EPHB2: variants seen among roughly 807,000 people sequenced by gnomAD.
EPHB2 encodes ephrin type-B receptor 2.
Under a neutral mutation model 96.4 loss-of-function variants are expected in EPHB2, and 18 were observed. The observed-to-expected ratio is 0.19, with a 90% confidence interval of 0.13 to 0.28. EPHB2 has a LOEUF of 0.28. Ranked by LOEUF, EPHB2 falls within the 10% of genes least tolerant of loss-of-function variation. EPHB2 has a pLI of 1.00. For synonymous variants in EPHB2, 506 were observed against 534.1 expected (o/e 0.95, Z 0.72); for missense variants, 989 against 1,355.4 (o/e 0.73, Z 4.25).
intron 3 of EPHB2, among the ~76,000 whole-genome samples, chr1:22,851,799 G>A (rs1452062285): frequency 6.6e-6 from 1 of 152,152 alleles, no homozygotes; most frequent in Non-Finnish European, 1.5e-5. Flanking sequence ...TCACGCCTCT[G>A]TGCCTTTGCA....
At chr1:22,791,969 C>T (rs1430860847) in intron 3 of EPHB2, among the ~76,000 whole-genome samples, 1 of 152,148 alleles carries the variant, frequency 6.6e-6, no homozygotes, top group East Asian at 1.9e-4. Context: ...CAAGCAGCTG[C>T]CTTTGAGAGT....
intron 5 of EPHB2, among the ~76,000 whole-genome samples, chr1:22,874,879 T>C (rs1303100869): frequency 1.3e-5 from 2 of 152,172 alleles, no homozygotes; most frequent in Non-Finnish European, 2.9e-5. Context: ...TTAAGAACTA[T>C]CATGTGAGAA....
chr1:22,842,291 T>A (rs756378380), intron 3 of EPHB2, among the ~76,000 whole-genome samples: 1 of 152,160 alleles, frequency 6.6e-6, no homozygotes, highest in Non-Finnish European at 1.5e-5. Context: ...TCATGAAATA[T>A]TCCAAAGGAA....
At chr1:22,810,887 C>T (rs995479304) in intron 3 of EPHB2, among the ~76,000 whole-genome samples, 1 of 152,132 alleles carries the variant, frequency 6.6e-6, no homozygotes, top group Non-Finnish European at 1.5e-5. Context: ...CCCAAGAGGC[C>T]CTGGCAGCCC....
At chr1:22,785,193 C>G (rs1304396290) in intron 3 of EPHB2, 117 bp downstream of exon 3, 21 of 1,298,182 alleles carry the variant, frequency 1.6e-5, no homozygotes, top group Non-Finnish European at 1.9e-5. Flanking sequence ...ATGAGGCACT[C>G]TAGGGCCAGG....
chr1:22,860,191 G>C lies in EPHB2; in HGVS notation c.812-2846G>C, dbSNP rs1009159618. Reference sequence around the variant, plus strand: ...GTCTGCACTCCAGAGAGCTAGTTTGGAGAGTGGGTGGGTGGGAGGAGGCCA... The same window carrying C: ...GTCTGCACTCCAGAGAGCTAGTTTGCAGAGTGGGTGGGTGGGAGGAGGCCA... On this transcript the variant is annotated intron_variant, in intron 3 of 15. Coordinates refer to ENST00000374630, the MANE Select transcript of EPHB2 (RefSeq NM_017449.5). This position sits in a 1 kb window ranked among gnomAD's most constrained non-coding sequence, Gnocchi z 4.6. 3.9e-5 allele frequency among the ~76,000 whole-genome samples: 6 copies of C among 152,126 alleles called. No individual in the cohort carries two copies. The highest frequency in any genetic ancestry group is 1.4e-4 in the African/African-American group (6 of 41,434).
Position 22,907,000 on chromosome 1 carries a change from G to A in EPHB2, c.2136+43G>A, listed in dbSNP as rs1389444286. The A allele has an allele frequency of 5.8e-6, 9 of 1,564,954 alleles. No individual in the cohort carries two copies. The highest frequency in any genetic ancestry group is 1.9e-5 in the Admixed American group (1 of 53,474). On this transcript the variant is annotated intron_variant, in intron 11 of 15. Coordinates refer to ENST00000374630, the MANE Select transcript of EPHB2 (RefSeq NM_017449.5). The surrounding 1 kb of genome is among the most constrained non-coding windows in gnomAD (Gnocchi z 4.8). ...GGCCAGGGGCCCATGAATGGGGCAG[G>A]AAAAGGAACGATGGACATAGCTTCA...
At chr1:22,738,690 A>G (rs1643870555) in intron 1 of EPHB2, among the ~76,000 whole-genome samples, 1 of 152,224 alleles carries the variant, frequency 6.6e-6, no homozygotes, top group Non-Finnish European at 1.5e-5. Context: ...GTTATTAGTC[A>G]TTGTAGCCAT....
At chr1:22,794,525 A>G (rs1413058438) in intron 3 of EPHB2, among the ~76,000 whole-genome samples, 1 of 152,120 alleles carries the variant, frequency 6.6e-6, no homozygotes, top group African/African-American at 2.4e-5. Context: ...TAGGAAACTG[A>G]GACTTGGCCA....
At chr1:22,800,006 C>T (rs974245094) in intron 3 of EPHB2, among the ~76,000 whole-genome samples, 1 of 152,206 alleles carries the variant, frequency 6.6e-6, no homozygotes, top group Non-Finnish European at 1.5e-5. Flanking sequence ...GTCTGTGCTG[C>T]CTGGGCAGGC....
chr1:22,758,816 C>T (rs1022822331), intron 1 of EPHB2, among the ~76,000 whole-genome samples: 5 of 151,688 alleles, frequency 3.3e-5, no homozygotes, highest in African/African-American at 1.2e-4. Context: ...TCCTCATTCC[C>T]CAGCACAGAG....
chr1:22,786,344 T>C (rs1246936890), intron 3 of EPHB2, among the ~76,000 whole-genome samples: 1 of 152,178 alleles, frequency 6.6e-6, no homozygotes. Flanking sequence ...ATGGTGGTGC[T>C]GGGGGTATAG....
intron 3 of EPHB2, among the ~76,000 whole-genome samples, chr1:22,842,733 T>A (rs926095981): frequency 6.6e-5 from 10 of 152,180 alleles, no homozygotes; most frequent in Non-Finnish European, 1.0e-4. Context: ...GCCAGACCTC[T>A]GTACAGCCTG....
In EPHB2 at chr1:22,710,901, C is replaced by A. The variant is rs1643117674; in HGVS notation, c.-82C>A. ...GCCGCGCCTTGCCGCCCCCCCTGGC[C>A]CCCCGAGCCCGGGGCGCGCGCTCCC... On this transcript the variant is annotated 5_prime_UTR_variant, in exon 1 of 16. Transcript: ENST00000374630. 6 of 146,278 alleles carry A rather than the reference C, an allele frequency of 4.1e-5. No homozygotes were observed. The South Asian group carries it at 1.2e-3, about 28-fold the overall frequency. The allele number at this position is 146,278 out of a possible 1,614,324, so 9.1% of individuals were successfully genotyped here. A position where few individuals can be genotyped will look rare whatever the true frequency, so the allele number is the denominator to read the frequency against.
At chr1:22,909,830 G>A (rs1038769391) in intron 13 of EPHB2, among the ~76,000 whole-genome samples, 1 of 152,212 alleles carries the variant, frequency 6.6e-6, no homozygotes, top group Non-Finnish European at 1.5e-5. Context: ...TCTGGCCATG[G>A]TGGCAGGACA....
intron 7 of EPHB2, among the ~76,000 whole-genome samples, chr1:22,893,418 A>C (rs1015840300): frequency 2.0e-5 from 3 of 152,214 alleles, no homozygotes; most frequent in Non-Finnish European, 1.5e-5. Context: ...AGTGACTTAC[A>C]ACTGGACTGA....
At chr1:22,746,081 C>T (rs1169886808) in intron 1 of EPHB2, among the ~76,000 whole-genome samples, 1 of 152,186 alleles carries the variant, frequency 6.6e-6, no homozygotes, top group East Asian at 1.9e-4. Context: ...TGAGTCCCTG[C>T]CCTGGGCCAG....
intron 3 of EPHB2, among the ~76,000 whole-genome samples, chr1:22,792,218 G>T (rs1035501498): frequency 6.6e-6 from 1 of 152,062 alleles, no homozygotes; most frequent in Non-Finnish European, 1.5e-5. Context: ...CGGTCAATGG[G>T]GTGGGCTCTG....
chr1:22,729,296 C>A (rs1246112290), intron 1 of EPHB2, among the ~76,000 whole-genome samples: 1 of 152,214 alleles, frequency 6.6e-6, no homozygotes, highest in Admixed American at 6.5e-5. Context: ...GTCTTGAAAT[C>A]TCCAAATTAG....
Sources: gnomAD v4.1 joint callset for allele counts (sites outside exome capture counted in the v4.1 genomes callset) on GRCh38, gnomAD v4.1.1 for gene constraint, Gnocchi (gnomAD v3.1) non-coding constraint, MANE v1.5 for transcripts, NCBI Gene and HGNC (gene_info 2026-07-23, HGNC 2026-07-21) for gene names.